Variants in MAF observed in about 807,000 individuals in gnomAD.
MAF encodes the protein MAF bZIP transcription factor.
In MAF, 10 loss-of-function variants were observed where a neutral mutation model predicts 22.0. That is an observed-to-expected ratio of 0.45 (90% CI 0.28 to 0.77). The LOEUF is 0.77. Ranked by LOEUF, MAF falls within the 30% of genes least tolerant of loss-of-function variation. The pLI is 0.12. For missense variants in MAF, 544 were observed against 548.4 expected (o/e 0.99, Z 0.08); for synonymous variants, 337 against 255.8 (o/e 1.32, Z -3.03).
the MAF span, among the ~76,000 whole-genome samples, chr16:79,274,204 C>T: frequency 6.6e-6 from 1 of 151,816 alleles, no homozygotes; most frequent in Non-Finnish European, 1.5e-5. Flanking sequence ...ATCCACCTGC[C>T]TTGACCTCCC....
the MAF span, among the ~76,000 whole-genome samples, chr16:79,567,145 C>T: frequency 6.6e-6 from 1 of 152,180 alleles, no homozygotes; most frequent in African/African-American, 2.4e-5. Flanking sequence ...TGGCGAAACC[C>T]TGTCTCTACT....
At chr16:79,551,530 A>G in the MAF span, among the ~76,000 whole-genome samples, 1 of 152,180 alleles carries the variant, frequency 6.6e-6, no homozygotes, top group Admixed American at 6.5e-5. Context: ...TTCTGTCTCC[A>G]GGACCTTTTG....
chr16:79,495,892 G>A, the MAF span, among the ~76,000 whole-genome samples: 402 of 152,244 alleles, frequency 2.6e-3, 1 homozygote, highest in African/African-American at 9.5e-3. Context: ...AAATATCTCT[G>A]CCTTTATGGA....
At chr16:79,224,276 T>G in the MAF span, among the ~76,000 whole-genome samples, 1 of 152,174 alleles carries the variant, frequency 6.6e-6, no homozygotes, top group Non-Finnish European at 1.5e-5. Context: ...ATTCTCGCAA[T>G]AGATGCAGAA....
the MAF span, among the ~76,000 whole-genome samples, chr16:79,316,401 TA>T: frequency 6.6e-6 from 1 of 152,210 alleles, no homozygotes; most frequent in Admixed American, 6.5e-5. Context: ...AGGACACTGG[TA>T]AAACCTTTCT....
At chr16:79,278,494 TTC>T in the MAF span, among the ~76,000 whole-genome samples, 121 of 152,338 alleles carry the variant, frequency 7.9e-4, 1 homozygote, top group South Asian at 0.012. Flanking sequence ...CATCAACTTG[TTC>T]TCTCACCTAA....
At chr16:79,374,894 T>C in the MAF span, among the ~76,000 whole-genome samples, 4 of 152,182 alleles carry the variant, frequency 2.6e-5, no homozygotes, top group Non-Finnish European at 4.4e-5. Flanking sequence ...GGTATGAAAA[T>C]GAACTTGATA....
At chr16:79,417,763 T>C in the MAF span, among the ~76,000 whole-genome samples, 1 of 152,194 alleles carries the variant, frequency 6.6e-6, no homozygotes, top group Non-Finnish European at 1.5e-5. Context: ...AGCTTAGTTT[T>C]GTTTACAGCT....
chr16:79,311,386 C>T, the MAF span, among the ~76,000 whole-genome samples: 6 of 151,884 alleles, frequency 4.0e-5, no homozygotes, highest in African/African-American at 9.7e-5. Flanking sequence ...GCCTTTTCTG[C>T]GACCCTTTGG....
At chr16:79,433,252 G>A in the MAF span, among the ~76,000 whole-genome samples, 2 of 133,182 alleles carry the variant, frequency 1.5e-5, no homozygotes, top group South Asian at 5.1e-4. Flanking sequence ...AATACATAAT[G>A]TAAGATAAGA....
chr16:79,525,158 T>C, the MAF span, among the ~76,000 whole-genome samples: 1 of 152,148 alleles, frequency 6.6e-6, no homozygotes, highest in Admixed American at 6.6e-5. Flanking sequence ...AAGCCCCGGA[T>C]TTCATCGCTC....
the MAF span, among the ~76,000 whole-genome samples, chr16:79,374,758 T>C: frequency 6.6e-6 from 1 of 152,186 alleles, no homozygotes; most frequent in South Asian, 2.1e-4. Flanking sequence ...GAAGAGGTAA[T>C]TTATTTTCTC....
chr16:79,374,126 G>A, the MAF span, among the ~76,000 whole-genome samples: 1 of 152,114 alleles, frequency 6.6e-6, no homozygotes, highest in East Asian at 1.9e-4. Flanking sequence ...CATGTAGAAG[G>A]TACCCTGGGG....
At chr16:79,275,031 C>T in the MAF span, among the ~76,000 whole-genome samples, 3 of 152,108 alleles carry the variant, frequency 2.0e-5, no homozygotes, top group African/African-American at 7.2e-5. Flanking sequence ...ACAGAATGGA[C>T]AAAATAAAAG....
At chr16:79,427,260 T>C in the MAF span, among the ~76,000 whole-genome samples, 1 of 152,140 alleles carries the variant, frequency 6.6e-6, no homozygotes, top group African/African-American at 2.4e-5. Flanking sequence ...AGAGCCCATG[T>C]TTGGAAAGAG....
the MAF span, among the ~76,000 whole-genome samples, chr16:79,511,635 G>C: frequency 6.6e-6 from 1 of 152,194 alleles, no homozygotes; most frequent in South Asian, 2.1e-4. Flanking sequence ...TGGCACTTAA[G>C]ATAATATGTA....
chr16:79,598,587 T>G (rs1029865028), intron 1 of MAF, 198 bp downstream of exon 1: 417 of 1,335,966 alleles, frequency 3.1e-4, no homozygotes, highest in Non-Finnish European at 3.9e-4. Context: ...GTGGGGTGTG[T>G]GTGTGTGTGT....
chr16:79,316,304 G>C, the MAF span, among the ~76,000 whole-genome samples: 3 of 152,196 alleles, frequency 2.0e-5, no homozygotes, highest in Admixed American at 1.3e-4. Context: ...AGAACTTTCA[G>C]CTTGTGCAAT....
At chr16:79,233,574 A>C in the MAF span, among the ~76,000 whole-genome samples, 51 of 152,122 alleles carry the variant, frequency 3.4e-4, no homozygotes, top group Non-Finnish European at 6.6e-4. Flanking sequence ...GGCTAAGCAC[A>C]AGTACTGTGG....
Sources: allele counts gnomAD v4.1 joint callset (sites outside exome capture counted in the v4.1 genomes callset), GRCh38; gene constraint gnomAD v4.1.1; transcripts MANE v1.5; gene names NCBI Gene and HGNC (gene_info 2026-07-23, HGNC 2026-07-21).